The following UTRN variants were observed in gnomAD, a reference collection of about 807,000 sequenced individuals.
The protein encoded by UTRN is dystrophin-related protein 1.
Under a neutral mutation model 463.9 loss-of-function variants are expected in UTRN, and 283 were observed. That is an observed-to-expected ratio of 0.61 (90% CI 0.55 to 0.67). UTRN has a LOEUF of 0.67. UTRN is among the 30% of genes least tolerant of loss of function. UTRN has a pLI of 0.00. For missense variants in UTRN, 3,922 were observed against 4,084.3 expected (o/e 0.96, Z 1.08); for synonymous variants, 1,442 against 1,431.5 (o/e 1.01, Z -0.17).
chr6:144,846,696 TTATTACCC>T, intron 73 of UTRN, 101 bp from the exon 74 acceptor site: 1 of 1,464,196 alleles, frequency 6.8e-7, no homozygotes. Context: ...AACTGGGCTA[TTATTACCC>T]TATGTAGAGT....
At position 144,403,096 on chromosome 6, in the gene UTRN, C is replaced by T. The variant is rs1255601945; in HGVS notation, c.80-27C>T. 3 of 1,604,128 alleles carry T rather than the reference C, an allele frequency of 1.9e-6. No individual in the cohort carries two copies. In the African/African-American group the frequency reaches 4.0e-5, roughly 21 times the overall value. On this transcript the variant is annotated intron_variant, in intron 2 of 74. Transcript: ENST00000367545. Reference sequence around the variant, plus strand: ...AAAGGTACAGACTCTCATACTTTTTCCTTCTCTTTCTTTTTCCATTCCACA... The same window carrying T: ...AAAGGTACAGACTCTCATACTTTTTTCTTCTCTTTCTTTTTCCATTCCACA...
chr6:144,521,949 ATATATAT>A, intron 39 of UTRN, 24 bp from the exon 40 acceptor site: 9 of 1,212,624 alleles, frequency 7.4e-6, no homozygotes, highest in Non-Finnish European at 9.6e-6. Context: ...ATATATATAT[ATATATAT>A]TTTTTTTTTT....
At chr6:144,693,256 T>G (rs1284982218) in intron 52 of UTRN, among the ~76,000 whole-genome samples, 1 of 152,222 alleles carries the variant, frequency 6.6e-6, no homozygotes, top group Non-Finnish European at 1.5e-5. Context: ...TCTATGTGTC[T>G]ATTTTTATAC....
intron 54 of UTRN, among the ~76,000 whole-genome samples, chr6:144,734,859 A>G (rs952147206): frequency 6.6e-6 from 1 of 152,146 alleles, no homozygotes; most frequent in African/African-American, 2.4e-5. Context: ...AATGGCTCAC[A>G]GACTGTATGC....
chr6:144,402,208 A>G (rs1026880795), intron 2 of UTRN, among the ~76,000 whole-genome samples: 3 of 152,206 alleles, frequency 2.0e-5, no homozygotes, highest in Non-Finnish European at 4.4e-5. Context: ...CTCTTCGTCA[A>G]GTGCTTTTCA....
At chr6:144,838,978 C>T in intron 71 of UTRN, 195 bp from the exon 72 acceptor site, 1 of 501,006 alleles carries the variant, frequency 2.0e-6, no homozygotes. Flanking sequence ...GTGGATTCTT[C>T]AAGGTGTCCA....
intron 2 of UTRN, among the ~76,000 whole-genome samples, chr6:144,323,433 G>A (rs1562249014): frequency 6.6e-6 from 1 of 152,128 alleles, no homozygotes; most frequent in East Asian, 1.9e-4. Context: ...ATGATGGGCT[G>A]GAAAAGAGCA....
chr6:144,801,083 T>A (rs1777662624), intron 64 of UTRN, among the ~76,000 whole-genome samples: 1 of 152,190 alleles, frequency 6.6e-6, no homozygotes, highest in Non-Finnish European at 1.5e-5. Context: ...AGCTATAACT[T>A]AAAATATGTC....
Position 144,448,816 on chromosome 6 carries a change from A to G in UTRN, c.2072+47A>G, listed in dbSNP as rs115231019. 8 of 1,585,280 alleles carry G rather than the reference A, an allele frequency of 5.0e-6. No homozygotes were observed. The African/African-American group carries it at 6.8e-5, about 13-fold the overall frequency. On this transcript the variant is annotated intron_variant, in intron 17 of 74. Coordinates refer to ENST00000367545, the MANE Select transcript of UTRN (RefSeq NM_007124.3). The stretch of plus-strand genomic sequence containing the variant: ...GTTCAAATCCAATATTGCACATACT[A>G]TATTTTCTACTTGGTGCCTATTTTG...
chr6:144,550,747 C>T (rs555723487), intron 47 of UTRN, among the ~76,000 whole-genome samples: 1 of 152,066 alleles, frequency 6.6e-6, no homozygotes, highest in Non-Finnish European at 1.5e-5. Flanking sequence ...AGGTAAAGCT[C>T]CTTGCCTGGT....
At chr6:144,688,702 G>A (rs928282945) in intron 52 of UTRN, among the ~76,000 whole-genome samples, 2 of 151,854 alleles carry the variant, frequency 1.3e-5, no homozygotes, top group Admixed American at 6.6e-5. Context: ...CATTGTAGTA[G>A]TAATGTGCTT....
At chr6:144,593,052 GTAC>G (rs1803271602) in intron 51 of UTRN, among the ~76,000 whole-genome samples, 1 of 152,300 alleles carries the variant, frequency 6.6e-6, no homozygotes, top group East Asian at 1.9e-4. Context: ...AGAAGTGTTA[GTAC>G]TAATATGGAT....
In UTRN at chr6:144,539,397, A is replaced by G. The variant is rs375667426; in HGVS notation, c.6473A>G (p.Asp2158Gly). Reference protein sequence around the residue: ...SDKSLSLPERDKISESLRTVN... With the variant: ...SDKSLSLPERGKISESLRTVN... ...AAAAGTCTGAGTTTACCTGAAAGGG[A>G]TAAAATTTCAGAAAGCTTAAGGACT... The change falls in exon 45 of 75, where the codon GAT (aspartate) becomes GGT (glycine). Residue 2158 changes from aspartate to glycine, a missense_variant. By Grantham distance (94) the Asp-to-Gly change is moderately conservative. Around this residue, in one of 3 missense-constraint regions of UTRN, gnomAD observed 2,349 missense variants for 2,303.8 expected, o/e 1.02. Transcript: ENST00000367545. 5 of 1,613,386 alleles carry G rather than the reference A, an allele frequency of 3.1e-6. No individual in the cohort carries two copies. In the African/African-American group the frequency reaches 6.7e-5, roughly 22 times the overall value.
At chr6:144,419,630 C>T (rs150511972) in intron 3 of UTRN, among the ~76,000 whole-genome samples, 29 of 152,246 alleles carry the variant, frequency 1.9e-4, no homozygotes, top group African/African-American at 6.5e-4. Context: ...ATGTAACAAA[C>T]CTGCATATGA....
chr6:144,523,051 G>C lies in UTRN; in HGVS notation c.5769G>C (p.Gln1923His), dbSNP rs115230292. 9.0e-4 allele frequency: 1,452 copies of C among 1,612,544 alleles called. 5 individuals carry two copies. The highest frequency in any genetic ancestry group is 8.6e-4 in the Non-Finnish European group (1,017 of 1,179,490). The stretch of plus-strand genomic sequence containing the variant: ...ACCAACTGGACAAACTTGGAGAGCA[G>C]ATTGCAGTCATTCATGAAAAACAGC... ...IKDQLDKLGE[Q>H]IAVIHEKQPD... Residue 1923 changes from glutamine to histidine, a missense_variant, in exon 41 of 75, where the codon CAG becomes CAC. Physicochemically the swap from Gln to His is conservative, Grantham distance 24. This residue lies in a region of UTRN where 2,349 missense variants were observed against 2,303.8 expected (regional missense o/e 1.02). Transcript: ENST00000367545.
intron 2 of UTRN, among the ~76,000 whole-genome samples, chr6:144,339,941 A>C (rs1347705387): frequency 1.3e-5 from 2 of 152,176 alleles, no homozygotes; most frequent in African/African-American, 4.8e-5. Context: ...GCCAAGGTGG[A>C]CAGATCGCTT....
At chr6:144,847,121 C>G (rs1420694669) in intron 74 of UTRN, among the ~76,000 whole-genome samples, 1 of 152,088 alleles carries the variant, frequency 6.6e-6, no homozygotes, top group Non-Finnish European at 1.5e-5. Flanking sequence ...CACCACTGCT[C>G]TCTCAAATGT....
At chr6:144,363,848 G>A (rs912791789) in intron 2 of UTRN, among the ~76,000 whole-genome samples, 1 of 152,202 alleles carries the variant, frequency 6.6e-6, no homozygotes, top group African/African-American at 2.4e-5. Context: ...AGAATTAATA[G>A]GGGGTAGCTA....
chr6:144,634,321 A>G, intron 51 of UTRN, among the ~76,000 whole-genome samples: 1 of 152,134 alleles, frequency 6.6e-6, no homozygotes. Flanking sequence ...CCTTCAGATG[A>G]GCTGCCACCT....
Sources: allele counts gnomAD v4.1 joint callset (sites outside exome capture counted in the v4.1 genomes callset), GRCh38; gene constraint gnomAD v4.1.1; regional missense constraint gnomAD v4.1.1; transcripts MANE v1.5; gene names NCBI Gene and HGNC (gene_info 2026-07-23, HGNC 2026-07-21).